Variants in TXNRD1 observed in about 807,000 individuals in gnomAD.
TXNRD1 encodes the protein thioredoxin reductase 1.
TXNRD1 carries 57 observed loss-of-function variants against 80.3 expected under a neutral mutation model. That is an observed-to-expected ratio of 0.71 (90% confidence interval 0.57 to 0.89). TXNRD1 has a LOEUF of 0.89. Ranked by LOEUF, TXNRD1 falls within the 40% of genes least tolerant of loss-of-function variation. The probability of loss-of-function intolerance (pLI) is 0.00; values close to 1 mark genes in which losing one functional copy is unlikely to be tolerated. For missense variants in TXNRD1, 730 were observed against 803.0 expected (o/e 0.91, Z 1.10); for synonymous variants, 291 against 285.2 (o/e 1.02, Z -0.20).
chr12:104,310,140 T>TTTTG, intron 4 of TXNRD1: 1 of 1,448,554 alleles, frequency 6.9e-7, no homozygotes, highest in Admixed American at 2.7e-5. Context: ...AGTTAAGGCT[T>TTTTG]TTTGTTTGTT....
rs542912445 is a variant in TXNRD1, at chr12:104,289,733, T to C, written c.414+693T>C. 8.4e-3 allele frequency among the ~76,000 whole-genome samples: 336 copies of C among 39,896 alleles called. 1 individual carries two copies. Among genetic ancestry groups the C allele is most frequent in the African/African-American group, 0.06 (325 of 5,442 alleles). 26.2% of individuals were successfully genotyped at this position (39,896 alleles called of 152,430 possible). A position where few individuals can be genotyped will look rare whatever the true frequency, so the allele number is the denominator to read the frequency against. ...GCTGGGTGTATGTATGTTTTATTTATGTATTTAAAAAAAAAAAACAGTCTT... is the reference window on the plus strand; with the variant it reads ...GCTGGGTGTATGTATGTTTTATTTACGTATTTAAAAAAAAAAAACAGTCTT... On this transcript the variant is annotated intron_variant, in intron 4 of 16. Transcript: ENST00000525566.
chr12:104,230,803 T>A (rs1402619936), intron 1 of TXNRD1, among the ~76,000 whole-genome samples: 1 of 151,900 alleles, frequency 6.6e-6, no homozygotes, highest in East Asian at 1.9e-4. Flanking sequence ...CTGGAGGAGG[T>A]GGTGTCTGAT....
chr12:104,304,508 G>T (rs1351489387), intron 4 of TXNRD1: 1 of 1,614,004 alleles, frequency 6.2e-7, no homozygotes, highest in Admixed American at 1.7e-5. Context: ...CCAGAAAAAA[G>T]TTCGCAAGAT....
At chr12:104,216,369 A>G in intron 1 of TXNRD1, among the ~76,000 whole-genome samples, 1 of 152,170 alleles carries the variant, frequency 6.6e-6, no homozygotes, top group East Asian at 1.9e-4. Context: ...TCCTCCATCG[A>G]GAATCTTGTC....
chr12:104,287,228 G>A (rs1462401922), intron 3 of TXNRD1: 7 of 1,611,756 alleles, frequency 4.3e-6, no homozygotes, highest in Non-Finnish European at 5.9e-6. Flanking sequence ...TGTGCGTCTC[G>A]GGGAAGGGAA....
rs758961544 is a variant in TXNRD1, at chr12:104,339,220, C to G, written c.1828C>G (p.Leu610Val). Residue 610 changes from leucine (L) to valine (V), a missense_variant, in exon 16 of 17, where the codon CTG (leucine) becomes GTG (valine). Coordinates refer to ENST00000525566, the MANE Select transcript of TXNRD1 (RefSeq NM_001093771.3). The part of the protein sequence containing the change: ...QGFAAALKCG[L>V]TKKQLDSTIG... ...CTTTGCAGCTGCGCTCAAATGTGGACTGACCAAAAAGCAGCTGGACAGCAC... is the reference window on the plus strand; with the variant it reads ...CTTTGCAGCTGCGCTCAAATGTGGAGTGACCAAAAAGCAGCTGGACAGCAC... The G allele has an allele frequency of 6.2e-7, 1 of 1,613,930 alleles. No homozygotes were observed. Among genetic ancestry groups the G allele is most frequent in the Non-Finnish European group, 8.5e-7 (1 of 1,179,884 alleles).
intron 1 of TXNRD1, among the ~76,000 whole-genome samples, chr12:104,231,249 G>A (rs1342994815): frequency 6.6e-6 from 1 of 152,076 alleles, no homozygotes; most frequent in Non-Finnish European, 1.5e-5. Context: ...GGGGTTTTGG[G>A]CAACAACTAT....
intron 3 of TXNRD1, among the ~76,000 whole-genome samples, chr12:104,264,056 A>G (rs543181812): frequency 2.0e-5 from 3 of 152,308 alleles, no homozygotes; most frequent in African/African-American, 7.2e-5. Flanking sequence ...CCTCACAAGC[A>G]GAGGTACCCT....
chr12:104,347,031 G>T (rs2036516093), intron 16 of TXNRD1, among the ~76,000 whole-genome samples: 1 of 152,140 alleles, frequency 6.6e-6, no homozygotes, highest in South Asian at 2.1e-4. Flanking sequence ...GGAGGCAGAG[G>T]TTGCAGTGAG....
intron 16 of TXNRD1, chr12:104,346,019 T>G (rs1313457157): frequency 7.8e-7 from 1 of 1,285,784 alleles, no homozygotes; most frequent in Non-Finnish European, 1.0e-6. Flanking sequence ...ACCCAAGCAG[T>G]TTTTTTCATT....
At chr12:104,245,212 A>C (rs1197385626) in intron 1 of TXNRD1, among the ~76,000 whole-genome samples, 1 of 151,986 alleles carries the variant, frequency 6.6e-6, no homozygotes, top group Non-Finnish European at 1.5e-5. Flanking sequence ...GTCGTCACAA[A>C]TAAGAATACT....
chr12:104,323,806 G>T (rs1320452066), intron 10 of TXNRD1, among the ~76,000 whole-genome samples: 5 of 115,684 alleles, frequency 4.3e-5, no homozygotes, highest in Non-Finnish European at 1.0e-4. Context: ...GGGCGGGGGG[G>T]CTGACCCCCC....
intron 4 of TXNRD1, among the ~76,000 whole-genome samples, chr12:104,292,286 C>G (rs4964778): frequency 0.17 from 26,178 of 152,114 alleles, 2,292 homozygotes; most frequent in Middle Eastern, 0.26. Flanking sequence ...TCCAGACCAC[C>G]TGCTCAGAAT....
At chr12:104,322,404 G>C (rs140958603) in intron 10 of TXNRD1, among the ~76,000 whole-genome samples, 1 of 127,908 alleles carries the variant, frequency 7.8e-6, no homozygotes, top group African/African-American at 3.1e-5. Flanking sequence ...TTTTTGAGAC[G>C]GAGTTTTGCT....
At chr12:104,269,661 A>G (rs4964754) in intron 3 of TXNRD1, among the ~76,000 whole-genome samples, 137,415 of 151,834 alleles carry the variant, frequency 0.91, 62,400 homozygotes, top group Middle Eastern at 0.97. Context: ...TCTGCCTCCC[A>G]GGTTCAAGCA....
At chr12:104,325,485 G>A (rs1324391580) in intron 11 of TXNRD1, 56 bp downstream of exon 11, 38 of 1,287,952 alleles carry the variant, frequency 3.0e-5, no homozygotes, top group South Asian at 3.8e-5. Flanking sequence ...ATGCTTATTG[G>A]GTATCTTATA....
At position 104,268,582 on chromosome 12, in the gene TXNRD1, G is replaced by A. The variant is rs150501084; in HGVS notation, c.304+10503G>A. On this transcript the variant is annotated intron_variant, in intron 3 of 16. Coordinates refer to ENST00000525566, the MANE Select transcript of TXNRD1 (RefSeq NM_001093771.3). ...TCCCCAGGCTGGAGTACAGTGGCAC[G>A]ATCTCGGCTCACTGCAAACTCTGCC... 2.9e-3 allele frequency among the ~76,000 whole-genome samples: 442 copies of A among 152,052 alleles called. 1 individual carries two copies. The highest frequency in any genetic ancestry group is 0.01 in the African/African-American group (419 of 41,530).
chr12:104,260,887 T>C (rs1320843692), intron 3 of TXNRD1, among the ~76,000 whole-genome samples: 2 of 152,092 alleles, frequency 1.3e-5, no homozygotes, highest in Non-Finnish European at 2.9e-5. Context: ...GTAAAGGAGG[T>C]AACATCGGAA....
intron 1 of TXNRD1, among the ~76,000 whole-genome samples, chr12:104,235,357 C>T (rs11615168): frequency 1.3e-5 from 2 of 152,022 alleles, no homozygotes; most frequent in Admixed American, 1.3e-4. Context: ...AACGGATGTG[C>T]GTTACAGATT....
Sources: gnomAD v4.1 joint callset for allele counts (sites outside exome capture counted in the v4.1 genomes callset) on GRCh38, gnomAD v4.1.1 for gene constraint, MANE v1.5 for transcripts, NCBI Gene and HGNC (gene_info 2026-07-23, HGNC 2026-07-21) for gene names.